The following LEMD3 variants were observed in gnomAD, a reference collection of about 807,000 sequenced individuals.
LEMD3 encodes the protein LEM domain containing 3, also known as inner nuclear membrane protein Man1.
Under a neutral mutation model 95.2 loss-of-function variants are expected in LEMD3, and 33 were observed. That is an observed-to-expected ratio of 0.35 (90% CI 0.26 to 0.46). The LOEUF (loss-of-function observed/expected upper bound fraction) is 0.46, where lower values mean the gene tolerates loss of function less well. LEMD3 is among the 20% of genes least tolerant of loss of function. LEMD3 has a pLI of 1.00. For missense variants in LEMD3, 1,210 were observed against 1,192.8 expected (o/e 1.01, Z -0.21); for synonymous variants, 525 against 474.6 (o/e 1.11, Z -1.38).
At chr12:65,194,318 AT>A (rs1332115593) in intron 1 of LEMD3, among the ~76,000 whole-genome samples, 1 of 152,154 alleles carries the variant, frequency 6.6e-6, no homozygotes, top group Non-Finnish European at 1.5e-5. Flanking sequence ...ATAGAGAAAG[AT>A]TTTAATTCAT....
intron 7 of LEMD3, 26 bp from the exon 8 acceptor site, chr12:65,240,110 C>A: frequency 6.8e-7 from 1 of 1,468,558 alleles, no homozygotes; most frequent in African/African-American, 1.4e-5. Context: ...GTGATTGATT[C>A]ATTTGTAAAT....
chr12:65,237,636 C>A lies in LEMD3; in HGVS notation c.1696-866C>A, dbSNP rs1046998353. Among the ~76,000 whole-genome samples, 3 of 152,274 alleles carry A rather than the reference C, an allele frequency of 2.0e-5. No individual in the cohort carries two copies. In the East Asian group the frequency reaches 5.8e-4, roughly 29 times the overall value. On this transcript the variant is annotated intron_variant, in intron 4 of 12. Coordinates refer to ENST00000308330, the MANE Select transcript of LEMD3 (RefSeq NM_014319.5). ...ATTGGTCATTTTCAGATGCATTGGT[C>A]ACATTTCATTATTCCATATCAAAAA...
chr12:65,200,388 C>T lies in LEMD3; in HGVS notation c.1523-10538C>T, dbSNP rs1334855780. 2.0e-5 allele frequency among the ~76,000 whole-genome samples: 3 copies of T among 152,076 alleles called. No homozygotes were observed. In the South Asian group the frequency reaches 6.2e-4, roughly 31 times the overall value. On this transcript the variant is annotated intron_variant, in intron 1 of 12. Transcript: ENST00000308330. ...TTCTGGTTCAATAAATCTGTGCTTT[C>T]GTTGCTTCATTCTTTTGTTGCTTTG...
chr12:65,215,935 TC>T, intron 2 of LEMD3, 41 bp from the exon 3 acceptor site: 8 of 872,296 alleles, frequency 9.2e-6, no homozygotes, highest in South Asian at 3.3e-5. Context: ...GTGTTTTTTT[TC>T]TTGTAATTGG....
intron 1 of LEMD3, among the ~76,000 whole-genome samples, chr12:65,204,841 G>C (rs1341532710): frequency 1.3e-5 from 2 of 152,096 alleles, no homozygotes; most frequent in African/African-American, 4.8e-5. Flanking sequence ...TACAGCTTTT[G>C]TTACAGATAT....
At position 65,170,212 on chromosome 12, in the gene LEMD3, G is replaced by C. The variant is rs1356579631; in HGVS notation, c.616G>C (p.Glu206Gln). The change falls in exon 1 of 13, where the codon GAG (glutamate) becomes CAG (glutamine). Residue 206 changes from glutamate to glutamine, a missense_variant. By Grantham distance (29) the Glu-to-Gln change is conservative. Coordinates refer to ENST00000308330, the MANE Select transcript of LEMD3 (RefSeq NM_014319.5). ...WWGARRPAGP[E>Q]LQTPPGKDGA... ...GGGGGCCAGGAGGCCGGCGGGCCCC[G>C]AGCTGCAGACCCCGCCGGGGAAAGA... 8 of 1,500,800 alleles carry C rather than the reference G, an allele frequency of 5.3e-6. No homozygotes were observed. The highest frequency in any genetic ancestry group is 7.1e-6 in the Non-Finnish European group (8 of 1,123,832). The allele number at this position is 1,500,800 out of a possible 1,614,324, so 93.0% of individuals were successfully genotyped here.
chr12:65,189,613 G>A (rs1421186286), intron 1 of LEMD3, among the ~76,000 whole-genome samples: 2 of 152,200 alleles, frequency 1.3e-5, no homozygotes, highest in Admixed American at 6.5e-5. Context: ...GCACAAGGGT[G>A]CCCTGTAGTT....
chr12:65,204,770 C>T (rs1869711842), intron 1 of LEMD3, among the ~76,000 whole-genome samples: 1 of 152,278 alleles, frequency 6.6e-6, no homozygotes, highest in East Asian at 1.9e-4. Flanking sequence ...TTTTTCTCCA[C>T]ACCTCGCCAG....
At chr12:65,181,010 A>AC (rs1565780094) in intron 1 of LEMD3, among the ~76,000 whole-genome samples, 2 of 151,982 alleles carry the variant, frequency 1.3e-5, no homozygotes, top group African/African-American at 4.8e-5. Context: ...ACACACACAC[A>AC]ATTTTCTGAC....
intron 6 of LEMD3, among the ~76,000 whole-genome samples, 200 bp from the exon 7 acceptor site, chr12:65,239,729 T>A (rs1870875278): frequency 6.6e-6 from 1 of 152,178 alleles, no homozygotes; most frequent in Non-Finnish European, 1.5e-5. Context: ...ATCAGTGTAA[T>A]GGAAGAAATG....
chr12:65,206,638 A>G (rs1869772672), intron 1 of LEMD3, among the ~76,000 whole-genome samples: 2 of 152,250 alleles, frequency 1.3e-5, no homozygotes, highest in South Asian at 4.1e-4. Context: ...CTGAGAGAGA[A>G]GGGGAGAGTG....
At chr12:65,216,447 T>G (rs917940794) in intron 3 of LEMD3, among the ~76,000 whole-genome samples, 3 of 152,024 alleles carry the variant, frequency 2.0e-5, no homozygotes, top group African/African-American at 4.8e-5. Flanking sequence ...AGTAAATTTA[T>G]TCTCCTGTAA....
At chr12:65,233,582 G>A in intron 4 of LEMD3, among the ~76,000 whole-genome samples, 1 of 152,116 alleles carries the variant, frequency 6.6e-6, no homozygotes. Context: ...GCCATCTGAT[G>A]CATAGTGTAG....
chr12:65,203,974 G>A (rs533317360), intron 1 of LEMD3, among the ~76,000 whole-genome samples: 1 of 152,176 alleles, frequency 6.6e-6, no homozygotes, highest in Admixed American at 6.5e-5. Context: ...ATTAGTGTTA[G>A]CATGGTATAA....
intron 1 of LEMD3, among the ~76,000 whole-genome samples, chr12:65,185,096 A>G (rs766368416): frequency 6.6e-6 from 1 of 152,040 alleles, no homozygotes; most frequent in Admixed American, 6.6e-5. Flanking sequence ...CAGCTGGTCT[A>G]CAGGCACACA....
chr12:65,210,158 A>T (rs1307534150), intron 1 of LEMD3, among the ~76,000 whole-genome samples: 1 of 152,076 alleles, frequency 6.6e-6, no homozygotes, highest in African/African-American at 2.4e-5. Context: ...TTGGATGGAA[A>T]GTGGTAAATC....
intron 1 of LEMD3, among the ~76,000 whole-genome samples, chr12:65,196,760 C>T (rs976029162): frequency 6.6e-5 from 10 of 152,072 alleles, no homozygotes; most frequent in South Asian, 2.1e-4. Flanking sequence ...CCTCCAAATG[C>T]GCAGCAAAAA....
chr12:65,199,456 T>C (rs1021438924), intron 1 of LEMD3, among the ~76,000 whole-genome samples: 1 of 152,138 alleles, frequency 6.6e-6, no homozygotes, highest in African/African-American at 2.4e-5. Context: ...CAGACACATA[T>C]TTTAAAAATT....
chr12:65,192,242 A>G (rs368078521), intron 1 of LEMD3, among the ~76,000 whole-genome samples: 1 of 152,188 alleles, frequency 6.6e-6, no homozygotes, highest in African/African-American at 2.4e-5. Context: ...AAGGGTCATC[A>G]TTTTTAAAGT....
Sources: gnomAD v4.1 joint callset for allele counts (sites outside exome capture counted in the v4.1 genomes callset) on GRCh38, gnomAD v4.1.1 for gene constraint, MANE v1.5 for transcripts, NCBI Gene and HGNC (gene_info 2026-07-23, HGNC 2026-07-21) for gene names.